The following LEPR variants were observed in gnomAD, a reference collection of about 807,000 sequenced individuals.
LEPR encodes the protein leptin receptor, also known as OB receptor.
In LEPR, 56 loss-of-function variants were observed where a neutral mutation model predicts 114.7. That is an observed-to-expected ratio of 0.49 (90% CI 0.39 to 0.61). The LOEUF (loss-of-function observed/expected upper bound fraction) is 0.61. Among genes scored for constraint, LEPR ranks in the 20% least tolerant of loss-of-function variants. The pLI, the probability that LEPR is intolerant of heterozygous loss-of-function variation, is 0.00. For missense variants in LEPR, 1,202 were observed against 1,352.9 expected (o/e 0.89, Z 1.75); for synonymous variants, 443 against 461.4 (o/e 0.96, Z 0.51).
chr1:65,524,056 C>G (rs1387366359), intron 2 of LEPR, among the ~76,000 whole-genome samples: 1 of 152,160 alleles, frequency 6.6e-6, no homozygotes, highest in African/African-American at 2.4e-5. Context: ...TCTCATAGAG[C>G]CTTGGGAGCC....
chr1:65,593,075 T>C (rs1190079147), intron 6 of LEPR, among the ~76,000 whole-genome samples: 2 of 152,128 alleles, frequency 1.3e-5, no homozygotes, highest in East Asian at 3.9e-4. Flanking sequence ...AATTCTGTTT[T>C]GAAAACTGTT....
At chr1:65,503,220 T>A (rs1292960380) in intron 2 of LEPR, among the ~76,000 whole-genome samples, 1 of 152,142 alleles carries the variant, frequency 6.6e-6, no homozygotes, top group Non-Finnish European at 1.5e-5. Flanking sequence ...TTCTGCATGA[T>A]ACCATAATGG....
chr1:65,568,304 G>C (rs1653913722), intron 3 of LEPR, among the ~76,000 whole-genome samples: 1 of 151,836 alleles, frequency 6.6e-6, no homozygotes, highest in African/African-American at 2.4e-5. Flanking sequence ...TTGTTACATG[G>C]ATATGTTGCG....
intron 2 of LEPR, chr1:65,435,672 G>A: frequency 1.0e-6 from 1 of 985,328 alleles, no homozygotes; most frequent in Non-Finnish European, 1.2e-6. Flanking sequence ...CAGCCAAAAT[G>A]TGCCTTTGCA....
rs1466444713 is a variant in LEPR at position 65,501,778 on chromosome 1, A to T, written c.-20-63768A>T. ...TTTGGCAGTGTCAAATATGTGAATC[A>T]TAAAACAGGTGTAACACAAGGGTCC... On this transcript the variant is annotated intron_variant, in intron 2 of 19. Transcript: ENST00000349533. Among the ~76,000 whole-genome samples the T allele has an allele frequency of 2.6e-5, 4 of 152,156 alleles. No homozygotes were observed. The East Asian group carries it at 7.7e-4, about 29-fold the overall frequency.
chr1:65,557,569 G>T (rs897212410), intron 2 of LEPR, among the ~76,000 whole-genome samples: 1 of 151,932 alleles, frequency 6.6e-6, no homozygotes. Context: ...ACAGGAACAC[G>T]CCACCACACC....
intron 2 of LEPR, among the ~76,000 whole-genome samples, chr1:65,455,671 A>C (rs1646861188): frequency 6.6e-6 from 1 of 152,192 alleles, no homozygotes; most frequent in African/African-American, 2.4e-5. Flanking sequence ...TGGGAGAACC[A>C]CTGCTCTCTT....
At chr1:65,547,666 T>C (rs960532168) in intron 2 of LEPR, among the ~76,000 whole-genome samples, 1 of 151,106 alleles carries the variant, frequency 6.6e-6, no homozygotes, top group Non-Finnish European at 1.5e-5. Context: ...CCCTTTATCA[T>C]TTTTTATTGC....
chr1:65,528,963 C>G (rs912201067), intron 2 of LEPR, among the ~76,000 whole-genome samples: 9 of 115,350 alleles, frequency 7.8e-5, no homozygotes, highest in Non-Finnish European at 1.5e-4. Flanking sequence ...TGCCTCCACA[C>G]CTGGCTATTT....
chr1:65,502,119 C>T (rs377096055), intron 2 of LEPR, among the ~76,000 whole-genome samples: 18 of 152,208 alleles, frequency 1.2e-4, no homozygotes, highest in South Asian at 2.1e-4. Flanking sequence ...GAAACCCCAA[C>T]GCCCAGTACA....
At position 65,633,637 on chromosome 1, in the gene LEPR, G is replaced by A; in HGVS notation, c.2674-2554G>A. ...TGGAATCAGTGAAAATATTTAGTTTGTATTTTTATGTCCAAACTTTTCCAT... is the reference window on the plus strand; with the variant it reads ...TGGAATCAGTGAAAATATTTAGTTTATATTTTTATGTCCAAACTTTTCCAT... On this transcript the variant is annotated intron_variant, in intron 19 of 19. Coordinates refer to ENST00000349533, the MANE Select transcript of LEPR (RefSeq NM_002303.6). This position sits in a 1 kb window ranked among gnomAD's most constrained non-coding sequence, Gnocchi z 4.1. 1.0e-6 allele frequency: 1 copy of A among 984,626 alleles called. No individual in the cohort carries two copies. Among genetic ancestry groups the A allele is most frequent in the Non-Finnish European group, 1.2e-6 (1 of 829,036 alleles). The allele number at this position is 984,626 out of a possible 1,614,324, so 61.0% of individuals were successfully genotyped here.
intron 19 of LEPR, among the ~76,000 whole-genome samples, chr1:65,631,075 A>G (rs372033747): frequency 6.6e-6 from 1 of 152,178 alleles, no homozygotes; most frequent in East Asian, 1.9e-4. Flanking sequence ...CCCAGTGTAT[A>G]TAGGCAGGGA....
chr1:65,522,111 G>A (rs1649665476), intron 2 of LEPR, among the ~76,000 whole-genome samples: 1 of 152,094 alleles, frequency 6.6e-6, no homozygotes, highest in African/African-American at 2.4e-5. Context: ...GACATTTAGG[G>A]TATCATGGCC....
chr1:65,576,968 C>T (rs955350737), intron 5 of LEPR: 4 of 327,596 alleles, frequency 1.2e-5, no homozygotes, highest in African/African-American at 9.1e-5. Flanking sequence ...ATCCTCCAGC[C>T]ATTATCGGTG....
Position 65,608,893 on chromosome 1 carries a change from C to A in LEPR, c.1744C>A (p.Gln582Lys), listed in dbSNP as rs749833113. The change falls in exon 12 of 20, where the codon CAA (glutamine) becomes AAA (lysine). Residue 582 changes from glutamine to lysine, a missense_variant. Gln to Lys is a moderately conservative substitution (Grantham distance 53). Coordinates refer to ENST00000349533, the MANE Select transcript of LEPR (RefSeq NM_002303.6). ...IRYGLSGKEVQWKMYEVYDAK... is the reference protein window; with the variant it reads ...IRYGLSGKEVKWKMYEVYDAK... Reference sequence around the variant, plus strand: ...CTATGGTTTAAGTGGAAAAGAAGTACAATGGAAGGTACCTTTTACTTAGAA... The same window carrying A: ...CTATGGTTTAAGTGGAAAAGAAGTAAAATGGAAGGTACCTTTTACTTAGAA... 6.2e-6 allele frequency: 10 copies of A among 1,613,608 alleles called. No individual in the cohort carries two copies. In the Admixed American group the frequency reaches 1.7e-4, roughly 27 times the overall value.
chr1:65,480,724 TAAGAG>T (rs1214850529), intron 2 of LEPR, among the ~76,000 whole-genome samples: 1 of 151,986 alleles, frequency 6.6e-6, no homozygotes, highest in Non-Finnish European at 1.5e-5. Flanking sequence ...AAAAAGAAGC[TAAGAG>T]AAGTTGAGTA....
intron 2 of LEPR, among the ~76,000 whole-genome samples, chr1:65,523,242 T>C (rs904356846): frequency 1.3e-5 from 2 of 152,236 alleles, no homozygotes; most frequent in African/African-American, 4.8e-5. Context: ...TTTGAGCCTT[T>C]GTACTTGTTT....
At chr1:65,579,562 A>C (rs569318603) in intron 5 of LEPR, among the ~76,000 whole-genome samples, 3 of 152,202 alleles carry the variant, frequency 2.0e-5, no homozygotes, top group Non-Finnish European at 4.4e-5. Flanking sequence ...TATTGAGCAA[A>C]ATAGGCTTTA....
intron 2 of LEPR, among the ~76,000 whole-genome samples, chr1:65,524,294 CCTGT>C (rs1278876149): frequency 1.3e-5 from 2 of 152,126 alleles, no homozygotes; most frequent in Non-Finnish European, 2.9e-5. Context: ...AATAGAGACA[CCTGT>C]CTGTCTGTTG....
Sources: gnomAD v4.1 joint callset for allele counts (sites outside exome capture counted in the v4.1 genomes callset) on GRCh38, gnomAD v4.1.1 for gene constraint, Gnocchi (gnomAD v3.1) non-coding constraint, MANE v1.5 for transcripts, NCBI Gene and HGNC (gene_info 2026-07-23, HGNC 2026-07-21) for gene names.